NALF1: variants seen among roughly 807,000 people sequenced by gnomAD.
NALF1 encodes family with sequence similarity 155 member A.
NALF1 carries 3 observed loss-of-function variants against 48.4 expected under a neutral mutation model. The ratio of observed to expected loss-of-function variants is 0.06; its 90% CI spans 0.03 to 0.16. The LOEUF (loss-of-function observed/expected upper bound fraction) is 0.16, where lower values mean the gene tolerates loss of function less well. NALF1 is among the 10% of genes least tolerant of loss of function. The pLI is 1.00. For missense variants in NALF1, 526 were observed against 571.5 expected (o/e 0.92, Z 0.81); for synonymous variants, 262 against 245.7 (o/e 1.07, Z -0.62).
At chr13:107,185,626 T>C (rs548197265) in intron 2 of NALF1, among the ~76,000 whole-genome samples, 1 of 152,276 alleles carries the variant, frequency 6.6e-6, no homozygotes, top group Non-Finnish European at 1.5e-5. Context: ...AATAACTCTT[T>C]TGTTTGACTA....
intron 1 of NALF1, among the ~76,000 whole-genome samples, chr13:107,657,591 TG>T (rs1442907955): frequency 1.3e-5 from 2 of 152,078 alleles, no homozygotes; most frequent in African/African-American, 2.4e-5. Flanking sequence ...TTTAACGCTG[TG>T]GGTAGGAAGT....
chr13:107,668,908 A>C (rs899381729), intron 1 of NALF1, among the ~76,000 whole-genome samples: 4 of 152,136 alleles, frequency 2.6e-5, no homozygotes, highest in African/African-American at 9.7e-5. Context: ...TATTGTACCA[A>C]GTATTAGAAT....
intron 1 of NALF1, among the ~76,000 whole-genome samples, chr13:107,613,025 G>GA (rs1291208265): frequency 1.3e-5 from 2 of 149,998 alleles, no homozygotes; most frequent in Non-Finnish European, 3.0e-5. Flanking sequence ...GAAAAGAAAA[G>GA]AAAGAAATGA....
rs543550587 is a variant in NALF1 at position 107,725,346 on chromosome 13, C to T, written c.915+140336G>A. On this transcript the variant is annotated intron_variant, in intron 1 of 2. Coordinates refer to ENST00000375915, the MANE Select transcript of NALF1 (RefSeq NM_001080396.3). ...TAATTATAATAATATCTATGATGTG[C>T]TGTGAATTATGAGGGAAAAAAATGT... Among the ~76,000 whole-genome samples the T allele has an allele frequency of 1.5e-4, 23 of 152,072 alleles. 1 individual carries two copies. Among genetic ancestry groups the T allele is most frequent in the African/African-American group, 5.1e-4 (21 of 41,480 alleles).
intron 1 of NALF1, among the ~76,000 whole-genome samples, chr13:107,280,836 C>T (rs767892332): frequency 4.6e-5 from 7 of 151,986 alleles, no homozygotes; most frequent in African/African-American, 9.7e-5. Flanking sequence ...GTGTCAAACC[C>T]GAAAGTCCCA....
intron 1 of NALF1, among the ~76,000 whole-genome samples, chr13:107,586,649 T>TTTG: frequency 6.8e-6 from 1 of 146,958 alleles, no homozygotes; most frequent in East Asian, 2.0e-4. Context: ...TTTTTTTTTT[T>TTTG]GCTAGGAATG....
At chr13:107,776,649 A>C (rs1335646942) in intron 1 of NALF1, among the ~76,000 whole-genome samples, 1 of 152,238 alleles carries the variant, frequency 6.6e-6, no homozygotes, top group African/African-American at 2.4e-5. Flanking sequence ...ATGAATACAA[A>C]GTTGAGTAGG....
intron 1 of NALF1, among the ~76,000 whole-genome samples, chr13:107,345,432 G>C (rs1287079786): frequency 2.6e-5 from 4 of 152,048 alleles, no homozygotes; most frequent in Non-Finnish European, 4.4e-5. Flanking sequence ...TAATTAAAAG[G>C]GTATGGTATT....
At position 107,866,078 on chromosome 13, in the gene NALF1, G is replaced by C. The variant is rs1880706430; in HGVS notation, c.519C>G (p.Pro173=). 1.2e-6 allele frequency: 2 copies of C among 1,612,838 alleles called. No individual in the cohort carries two copies. Among genetic ancestry groups the C allele is most frequent in the South Asian group, 1.1e-5 (1 of 91,076 alleles). The stretch of plus-strand genomic sequence containing the variant: ...AGCACTGGCCCGAGGACGCGCCCTG[G>C]GGGTAACAAGTCTCCAGGCGCCACA... The part of the protein sequence containing the change: ...KPVWRLETCY[P]QGASSGQCFT... Residue 173 remains proline, a synonymous_variant, in exon 1 of 3, where the codon CCC becomes CCG. Transcript: ENST00000375915. The surrounding 1 kb of genome is among the most constrained non-coding windows in gnomAD (Gnocchi z 4.4).
intron 1 of NALF1, among the ~76,000 whole-genome samples, chr13:107,283,657 T>C (rs992444209): frequency 6.2e-5 from 8 of 128,774 alleles, no homozygotes; most frequent in Admixed American, 5.4e-4. Flanking sequence ...TATTTATTTA[T>C]TTACTATTTT....
At chr13:107,650,621 G>A (rs1476285469) in intron 1 of NALF1, among the ~76,000 whole-genome samples, 1 of 151,940 alleles carries the variant, frequency 6.6e-6, no homozygotes, top group Admixed American at 6.6e-5. Flanking sequence ...TGCAAATATG[G>A]TGTGGTGTAT....
intron 1 of NALF1, among the ~76,000 whole-genome samples, chr13:107,273,386 A>G (rs1440915595): frequency 1.3e-5 from 2 of 152,192 alleles, no homozygotes; most frequent in East Asian, 3.8e-4. Flanking sequence ...TAAAACTTAC[A>G]TTAAATAGAT....
intron 1 of NALF1, among the ~76,000 whole-genome samples, chr13:107,830,759 G>A (rs937371534): frequency 2.0e-5 from 3 of 152,120 alleles, no homozygotes; most frequent in Admixed American, 1.3e-4. Context: ...GGCCTCCAAA[G>A]GGAGGTCAAA....
At chr13:107,836,585 G>T (rs115652053) in intron 1 of NALF1, among the ~76,000 whole-genome samples, 1 of 151,920 alleles carries the variant, frequency 6.6e-6, no homozygotes, top group Admixed American at 6.6e-5. Flanking sequence ...TTAGGAAAAT[G>T]GAAATATTTT....
intron 1 of NALF1, among the ~76,000 whole-genome samples, chr13:107,531,754 G>T (rs1359137): frequency 0.019 from 2,906 of 151,700 alleles, 89 homozygotes; most frequent in African/African-American, 0.068. Context: ...TGTTTGACTG[G>T]AATACGTGTT....
chr13:107,443,336 C>T (rs1200917114), intron 1 of NALF1, among the ~76,000 whole-genome samples: 4 of 152,078 alleles, frequency 2.6e-5, no homozygotes, highest in Non-Finnish European at 5.9e-5. Flanking sequence ...CTGCCTCAGC[C>T]TCCCGAGTAG....
chr13:107,543,818 C>T (rs1877062407), intron 1 of NALF1, among the ~76,000 whole-genome samples: 1 of 151,744 alleles, frequency 6.6e-6, no homozygotes, highest in Non-Finnish European at 1.5e-5. Flanking sequence ...CACATATATA[C>T]ACATATGTAC....
intron 1 of NALF1, among the ~76,000 whole-genome samples, chr13:107,425,033 G>A (rs916640719): frequency 2.6e-5 from 4 of 152,104 alleles, no homozygotes; most frequent in African/African-American, 4.8e-5. Context: ...TTAGATTGTC[G>A]CTGTTAGACA....
At chr13:107,287,056 T>A (rs1881509475) in intron 1 of NALF1, among the ~76,000 whole-genome samples, 1 of 152,116 alleles carries the variant, frequency 6.6e-6, no homozygotes, top group South Asian at 2.1e-4. Context: ...GGTAGGTGAG[T>A]TTCACCGAAA....
Sources: allele counts gnomAD v4.1 joint callset (sites outside exome capture counted in the v4.1 genomes callset), GRCh38; gene constraint gnomAD v4.1.1; non-coding constraint Gnocchi (gnomAD v3.1); transcripts MANE v1.5; gene names NCBI Gene and HGNC (gene_info 2026-07-23, HGNC 2026-07-21).